EPHB2: variants seen among roughly 807,000 people sequenced by gnomAD.
EPHB2 encodes the protein ephrin type-B receptor 2.
EPHB2 carries 18 observed loss-of-function variants against 96.4 expected under a neutral mutation model. The ratio of observed to expected loss-of-function variants is 0.19; its 90% CI spans 0.13 to 0.28. EPHB2 has a LOEUF of 0.28. Ranked by LOEUF, EPHB2 falls within the 10% of genes least tolerant of loss-of-function variation. EPHB2 has a pLI of 1.00. For missense variants in EPHB2, 989 were observed against 1,355.4 expected (o/e 0.73, Z 4.25); for synonymous variants, 506 against 534.1 (o/e 0.95, Z 0.72).
At position 22,904,259 on chromosome 1, in the gene EPHB2, C is replaced by T. The variant is rs186149209; in HGVS notation, c.1766-1728C>T. On this transcript the variant is annotated intron_variant, in intron 9 of 15. Transcript: ENST00000374630. The stretch of plus-strand genomic sequence containing the variant: ...AGTGAGCTGAGATTGTGCCACTGCA[C>T]TCCAGCCTGGGTGACAGAGCAAGAA... Among the ~76,000 whole-genome samples, 283 of 149,630 alleles carry T rather than the reference C, an allele frequency of 1.9e-3. 3 individuals are homozygous for T. Among genetic ancestry groups the T allele is most frequent in the Non-Finnish European group, 1.6e-3 (109 of 67,746 alleles).
At chr1:22,720,659 T>TCCCC in intron 1 of EPHB2, among the ~76,000 whole-genome samples, 2 of 73,526 alleles carry the variant, frequency 2.7e-5, no homozygotes, top group African/African-American at 5.1e-5. Flanking sequence ...AGAAATCTCA[T>TCCCC]TCCCCCCCCC....
chr1:22,902,175 A>T (rs1257488076), intron 9 of EPHB2, among the ~76,000 whole-genome samples: 1 of 152,194 alleles, frequency 6.6e-6, no homozygotes, highest in Admixed American at 6.5e-5. Flanking sequence ...CAGGCATCAC[A>T]TGTGATTGTA....
At chr1:22,788,510 A>C (rs1644643703) in intron 3 of EPHB2, among the ~76,000 whole-genome samples, 1 of 152,252 alleles carries the variant, frequency 6.6e-6, no homozygotes, top group South Asian at 2.1e-4. Context: ...GCCCTGCTGG[A>C]GCAGGACGTG....
At chr1:22,890,304 G>T (rs548792921) in intron 6 of EPHB2, among the ~76,000 whole-genome samples, 6 of 152,170 alleles carry the variant, frequency 3.9e-5, no homozygotes, top group Non-Finnish European at 8.8e-5. Context: ...GGTGCATCTG[G>T]CTGGGATGTC....
rs769697704 is a variant in EPHB2, at chr1:22,913,613, C to G, written c.*43C>G. On this transcript the variant is annotated 3_prime_UTR_variant, in exon 16 of 16. Coordinates refer to ENST00000374630, the MANE Select transcript of EPHB2 (RefSeq NM_017449.5). The surrounding 1 kb of genome is among the most constrained non-coding windows in gnomAD (Gnocchi z 4.1). Reference sequence around the variant, plus strand: ...TCACCTCTTCCTCCAAGCCCCGCCCCCTCTGCCCCACGTGCCGGCCCTCCT... The same window carrying G: ...TCACCTCTTCCTCCAAGCCCCGCCCGCTCTGCCCCACGTGCCGGCCCTCCT... The G allele has an allele frequency of 6.8e-6, 11 of 1,612,160 alleles. No homozygotes were observed. The African/African-American group carries it at 1.2e-4, about 18-fold the overall frequency.
chr1:22,851,699 C>T (rs768525115), intron 3 of EPHB2, among the ~76,000 whole-genome samples: 9 of 152,212 alleles, frequency 5.9e-5, no homozygotes, highest in Non-Finnish European at 8.8e-5. Context: ...CCTTACTCTC[C>T]AGCCTCATCT....
intron 3 of EPHB2, among the ~76,000 whole-genome samples, chr1:22,851,545 C>T (rs1055940501): frequency 2.0e-5 from 3 of 152,224 alleles, no homozygotes; most frequent in African/African-American, 7.2e-5. Flanking sequence ...GGCTGCAACC[C>T]CAGCTCTGCT....
chr1:22,907,875 T>C (rs764219953), intron 11 of EPHB2, 78 bp from the exon 12 acceptor site: 103 of 1,558,846 alleles, frequency 6.6e-5, no homozygotes, highest in Middle Eastern at 5.1e-4. Flanking sequence ...CCTGCTCTGG[T>C]TTCCCATTAT....
At chr1:22,907,060 C>T in intron 11 of EPHB2, 103 bp downstream of exon 11, 3 of 1,444,168 alleles carry the variant, frequency 2.1e-6, no homozygotes, top group East Asian at 2.4e-5. Flanking sequence ...TGGAAAAGCT[C>T]TAGGTCAGGA....
rs1400390603 is a variant in EPHB2 at position 22,921,405 on chromosome 1, CAA to C, written c.*7836_*7837del. 5.9e-5 allele frequency: 9 copies of C among 152,310 alleles called. No individual in the cohort carries two copies. The East Asian group carries it at 1.7e-3, about 29-fold the overall frequency. 9.4% of individuals were successfully genotyped at this position (152,310 alleles called of 1,614,324 possible). ...CCAAGGAAATCTCACCAGCTGTGTCCAAGATCAACCCTGACCCTGTTACTCCA... is the reference window on the plus strand; with the variant it reads ...CCAAGGAAATCTCACCAGCTGTGTCCGATCAACCCTGACCCTGTTACTCCA... On this transcript the variant is annotated 3_prime_UTR_variant, in exon 16 of 16. Coordinates refer to ENST00000374630, the MANE Select transcript of EPHB2 (RefSeq NM_017449.5).
intron 5 of EPHB2, among the ~76,000 whole-genome samples, chr1:22,874,566 C>T (rs1363594459): frequency 1.3e-5 from 2 of 152,214 alleles, no homozygotes; most frequent in African/African-American, 4.8e-5. Context: ...CCTGGGTCCC[C>T]ATCTCAGCCC....
chr1:22,912,851 G>A (rs1640153022), intron 15 of EPHB2: 4 of 523,538 alleles, frequency 7.6e-6, no homozygotes, highest in African/African-American at 5.7e-5. Context: ...TACAAACTGG[G>A]GGTTGGTAGG....
chr1:22,782,522 G>C (rs1196717970), intron 2 of EPHB2, among the ~76,000 whole-genome samples: 2 of 151,732 alleles, frequency 1.3e-5, no homozygotes, highest in Admixed American at 1.3e-4. Flanking sequence ...GCTTTCTGTG[G>C]CTCTTTCTTG....
chr1:22,711,478 G>A (rs1360845914), intron 1 of EPHB2, among the ~76,000 whole-genome samples: 3 of 150,702 alleles, frequency 2.0e-5, no homozygotes, highest in Non-Finnish European at 4.4e-5. Context: ...GCAGGGAGCA[G>A]AGGGAGGGAG....
At chr1:22,725,103 C>G (rs1643552616) in intron 1 of EPHB2, among the ~76,000 whole-genome samples, 1 of 152,160 alleles carries the variant, frequency 6.6e-6, no homozygotes, top group South Asian at 2.1e-4. Flanking sequence ...CTAGGTTATG[C>G]CATACCATGT....
chr1:22,878,495 C>T (rs574438651), intron 5 of EPHB2, among the ~76,000 whole-genome samples: 3 of 152,328 alleles, frequency 2.0e-5, no homozygotes, highest in South Asian at 2.1e-4. Context: ...CCCAGCACCC[C>T]GTATCATGTG....
At chr1:22,754,819 G>GC in intron 1 of EPHB2, among the ~76,000 whole-genome samples, 1 of 106,744 alleles carries the variant, frequency 9.4e-6, no homozygotes, top group Non-Finnish European at 1.8e-5. Context: ...GGCAGGGGAA[G>GC]GGAGGTGAGG....
At chr1:22,879,703 G>T (rs1433847997) in intron 5 of EPHB2, among the ~76,000 whole-genome samples, 1 of 152,232 alleles carries the variant, frequency 6.6e-6, no homozygotes, top group Admixed American at 6.5e-5. Flanking sequence ...TGTTGAGGGG[G>T]TTAAATGAGA....
chr1:22,837,977 G>T (rs1645409014), intron 3 of EPHB2, among the ~76,000 whole-genome samples: 1 of 152,230 alleles, frequency 6.6e-6, no homozygotes, highest in African/African-American at 2.4e-5. Context: ...GAATAGGGGA[G>T]CTTGGCTCCT....
Sources: gnomAD v4.1 joint callset for allele counts (sites outside exome capture counted in the v4.1 genomes callset) on GRCh38, gnomAD v4.1.1 for gene constraint, Gnocchi (gnomAD v3.1) non-coding constraint, MANE v1.5 for transcripts, NCBI Gene and HGNC (gene_info 2026-07-23, HGNC 2026-07-21) for gene names.